The following SPICE1 variants were observed in gnomAD, a reference collection of about 807,000 sequenced individuals.
SPICE1 encodes spindle and centriole associated protein 1.
In SPICE1, 75 loss-of-function variants were observed where a neutral mutation model predicts 102.7. The observed-to-expected ratio is 0.73, with a 90% CI of 0.61 to 0.88. The LOEUF is 0.88. SPICE1 is among the 40% of genes least tolerant of loss of function. The pLI, the probability that SPICE1 is intolerant of heterozygous loss-of-function variation, is 0.00. For synonymous variants in SPICE1, 308 were observed against 350.3 expected, an observed-to-expected ratio of 0.88 and a Z score of 1.35; for missense variants, 979 against 1,020.1, an observed-to-expected ratio of 0.96 and a Z score of 0.55.
Position 113,494,247 on chromosome 3 carries a change from G to A in SPICE1, c.292-105C>T, listed in dbSNP as rs535218944. 1.4e-4 allele frequency: 94 copies of A among 680,988 alleles called. No individual in the cohort carries two copies. In the South Asian group the frequency reaches 1.9e-3, roughly 14 times the overall value. 42.2% of individuals were successfully genotyped at this position (680,988 alleles called of 1,614,324 possible). A position where few individuals can be genotyped will look rare whatever the true frequency, so the allele number is the denominator to read the frequency against. ...GCCTGGAGCATGAAAATAACCATAG[G>A]CTACCTTCCTAAAAACCTTCAGTAG... On this transcript the variant is annotated intron_variant, in intron 4 of 17. Transcript: ENST00000295872.
intron 1 of SPICE1, among the ~76,000 whole-genome samples, chr3:113,513,071 C>T (rs1033653691): frequency 6.6e-6 from 1 of 152,122 alleles, no homozygotes; most frequent in Middle Eastern, 3.2e-3. Flanking sequence ...TATGGACAAA[C>T]AAACACACTG....
chr3:113,447,023 C>G (rs1001677606), intron 16 of SPICE1, among the ~76,000 whole-genome samples: 1 of 152,058 alleles, frequency 6.6e-6, no homozygotes, highest in Non-Finnish European at 1.5e-5. Context: ...CTCATGAGAC[C>G]TGATGGGTTT....
intron 7 of SPICE1, among the ~76,000 whole-genome samples, chr3:113,481,015 C>T (rs1936486859): frequency 6.9e-6 from 1 of 144,604 alleles, no homozygotes; most frequent in African/African-American, 2.7e-5. Context: ...AGGCAAGGAT[C>T]CCCACTATCT....
Position 113,468,781 on chromosome 3 carries a change from T to C in SPICE1, c.870A>G (p.Gln290=), listed in dbSNP as rs1468052151. Residue 290 remains glutamine (Q), a synonymous_variant, in exon 9 of 18, where the codon CAA becomes CAG. Coordinates refer to ENST00000295872, the MANE Select transcript of SPICE1 (RefSeq NM_144718.4). ...VVGHVLNSRK[Q]KQLLNKVKRK... is the part of the protein sequence containing the mutation. ...CTGAACCTTTATTTAACAGCTGTTT[T>C]TGCTTCCTTGAGTTCAGCACGTGTC... The C allele has an allele frequency of 6.2e-7, 1 of 1,612,866 alleles. No individual in the cohort carries two copies. Among genetic ancestry groups the C allele is most frequent in the African/African-American group, 1.3e-5 (1 of 74,836 alleles).
intron 7 of SPICE1, among the ~76,000 whole-genome samples, chr3:113,481,099 TA>T (rs753774351): frequency 2.4e-4 from 36 of 152,042 alleles, no homozygotes; most frequent in Non-Finnish European, 4.0e-4. Context: ...AAGACTTAGA[TA>T]ACAAGGAAAA....
At chr3:113,507,193 A>G (rs868262937) in intron 1 of SPICE1, among the ~76,000 whole-genome samples, 2 of 152,212 alleles carry the variant, frequency 1.3e-5, no homozygotes, top group African/African-American at 4.8e-5. Context: ...AAACAAATTA[A>G]TAATTATTGA....
chr3:113,471,939 C>CA (rs950267231), intron 7 of SPICE1, among the ~76,000 whole-genome samples: 3 of 152,148 alleles, frequency 2.0e-5, no homozygotes, highest in Non-Finnish European at 2.9e-5. Context: ...ACGGTGAGCG[C>CA]AGGACAGTGG....
At chr3:113,467,648 A>G (rs1027697335) in intron 10 of SPICE1, among the ~76,000 whole-genome samples, 2 of 152,224 alleles carry the variant, frequency 1.3e-5, no homozygotes, top group Non-Finnish European at 2.9e-5. Flanking sequence ...ACAACAATAA[A>G]ACATCTCCCA....
chr3:113,475,547 C>T (rs1936322516), intron 7 of SPICE1, among the ~76,000 whole-genome samples: 1 of 152,010 alleles, frequency 6.6e-6, no homozygotes, highest in Admixed American at 6.6e-5. Context: ...AAAATACTGG[C>T]AAACCGAATC....
intron 7 of SPICE1, among the ~76,000 whole-genome samples, chr3:113,472,715 A>G (rs1936236829): frequency 6.6e-6 from 1 of 152,230 alleles, no homozygotes; most frequent in Admixed American, 6.5e-5. Context: ...ACAGACCTAC[A>G]GCTGAGGGTC....
chr3:113,491,624 C>CAAAAAAAAAAAA (rs869171154), intron 6 of SPICE1, among the ~76,000 whole-genome samples: 500 of 38,104 alleles, frequency 0.013, 46 homozygotes, highest in Non-Finnish European at 0.016. Context: ...GACTCCGTCT[C>CAAAAAAAAAAAA]AAAAAAAAAA....
chr3:113,482,734 T>G (rs1290742464), intron 7 of SPICE1, among the ~76,000 whole-genome samples: 1 of 152,234 alleles, frequency 6.6e-6, no homozygotes, highest in Non-Finnish European at 1.5e-5. Context: ...GGTGTATTTC[T>G]GAGGGCTCTG....
chr3:113,465,974 C>T (rs908507339), intron 10 of SPICE1, among the ~76,000 whole-genome samples, 190 bp from the exon 11 acceptor site: 1 of 152,112 alleles, frequency 6.6e-6, no homozygotes, highest in African/African-American at 2.4e-5. Context: ...CTCTTCCCTT[C>T]TTTAAATAGA....
chr3:113,505,316 T>G (rs1400017529), intron 2 of SPICE1, among the ~76,000 whole-genome samples: 1 of 94,894 alleles, frequency 1.1e-5, no homozygotes, highest in Non-Finnish European at 2.3e-5. Context: ...TATCACATAT[T>G]TTTTTTTTCC....
intron 1 of SPICE1, among the ~76,000 whole-genome samples, chr3:113,511,472 A>T (rs1334056132): frequency 6.6e-6 from 1 of 152,206 alleles, no homozygotes; most frequent in Non-Finnish European, 1.5e-5. Context: ...GCATGGATGG[A>T]ACTGGAAGCC....
intron 4 of SPICE1, among the ~76,000 whole-genome samples, chr3:113,497,530 G>C (rs893305969): frequency 1.3e-5 from 2 of 152,050 alleles, no homozygotes; most frequent in Non-Finnish European, 2.9e-5. Flanking sequence ...CCTGAATCCT[G>C]ATGAGAGCTG....
chr3:113,510,238 C>T (rs1937192041), intron 1 of SPICE1, among the ~76,000 whole-genome samples: 1 of 152,128 alleles, frequency 6.6e-6, no homozygotes, highest in Admixed American at 6.5e-5. Flanking sequence ...TATTAAACTA[C>T]CATTAACATC....
chr3:113,473,157 A>C (rs1455378081), intron 7 of SPICE1, among the ~76,000 whole-genome samples: 2 of 152,240 alleles, frequency 1.3e-5, no homozygotes, highest in East Asian at 3.8e-4. Flanking sequence ...CTCAGGAGCT[A>C]ATGCGATCAA....
intron 10 of SPICE1, among the ~76,000 whole-genome samples, chr3:113,467,496 T>C (rs1029083215): frequency 6.6e-6 from 1 of 152,184 alleles, no homozygotes; most frequent in African/African-American, 2.4e-5. Context: ...TTTACCACGT[T>C]GAGGCCAGGC....
Sources: allele counts gnomAD v4.1 joint callset (sites outside exome capture counted in the v4.1 genomes callset), GRCh38; gene constraint gnomAD v4.1.1; transcripts MANE v1.5; gene names NCBI Gene and HGNC (gene_info 2026-07-23, HGNC 2026-07-21).